OR5A2: variants seen among roughly 807,000 people sequenced by gnomAD.
OR5A2 encodes the protein olfactory receptor family 5 subfamily A member 2, also known as olfactory receptor 5A2.
For missense variants in OR5A2, 406 were observed against 398.9 expected (o/e 1.02, Z -0.15); for synonymous variants, 155 against 151.1 (o/e 1.03, Z -0.19).
chr11:59,422,049 A>G lies in OR5A2; in HGVS notation c.905T>C (p.Met302Thr), dbSNP rs148621378. 6.2e-7 allele frequency: 1 copy of G among 1,613,974 alleles called. No homozygotes were observed. The highest frequency in any genetic ancestry group is 2.2e-5 in the East Asian group (1 of 44,874). ...GGGGTCCCTTTCCATGGCTTTCCTC[A>G]TGGCATTTTTAATCTCCTTATTCCT... ...SFRNKEIKNA[M>T]RKAMERDPGI... The change falls in exon 2 of 2, where the codon ATG becomes ACG. Residue 302 changes from methionine (M) to threonine (T), a missense_variant. Physicochemically the swap from Met to Thr is moderately conservative, Grantham distance 81. Coordinates refer to ENST00000302040, the MANE Select transcript of OR5A2 (RefSeq NM_001001954.2).
chr11:59,418,749 A>G lies in OR5A2; in HGVS notation c.*3230T>C, dbSNP rs1325424066. The G allele has an allele frequency of 6.6e-6, 1 of 152,122 alleles. No homozygotes were observed. The highest frequency in any genetic ancestry group is 1.5e-5 in the Non-Finnish European group (1 of 68,020). 9.4% of individuals were successfully genotyped at this position (152,122 alleles called of 1,614,324 possible). A position where few individuals can be genotyped will look rare whatever the true frequency, so the allele number is the denominator to read the frequency against. Reference sequence around the variant, plus strand: ...TAATAAGACTTACATTCTTCTTGGTAGTTGGGCAAACTGCAAAAATACCTT... The same window carrying G: ...TAATAAGACTTACATTCTTCTTGGTGGTTGGGCAAACTGCAAAAATACCTT... On this transcript the variant is annotated 3_prime_UTR_variant, in exon 2 of 2. Transcript: ENST00000302040.
chr11:59,424,886 C>G (rs981809903), intron 1 of OR5A2: 1 of 152,170 alleles, frequency 6.6e-6, no homozygotes, highest in African/African-American at 2.4e-5. Context: ...ACTAAAACAT[C>G]AATCTATTTA....
At position 59,422,795 on chromosome 11, in the gene OR5A2, G is replaced by C; in HGVS notation, c.159C>G (p.Asp53Glu). The change falls in exon 2 of 2, where the codon GAC (aspartate) becomes GAG (glutamate). Residue 53 changes from aspartate (D) to glutamate (E), a missense_variant. Physicochemically the swap from Asp to Glu is conservative, Grantham distance 45 (BLOSUM62 2). Transcript: ENST00000302040. ...NLSLIALIKM[D>E]SHLHMPMYFF... Reference sequence around the variant, plus strand: ...AGTACATGGGCATGTGCAGGTGAGAGTCCATCTTAATGAGGGCAATGAGGC... The same window carrying C: ...AGTACATGGGCATGTGCAGGTGAGACTCCATCTTAATGAGGGCAATGAGGC... 2 of 1,614,170 alleles carry C rather than the reference G, an allele frequency of 1.2e-6. No individual in the cohort carries two copies. Among genetic ancestry groups the C allele is most frequent in the Non-Finnish European group, 1.7e-6 (2 of 1,180,024 alleles).
chr11:59,423,098 C>T, intron 1 of OR5A2, 54 bp from the exon 2 acceptor site: 1 of 799,762 alleles, frequency 1.3e-6, no homozygotes, highest in Non-Finnish European at 2.0e-6. Flanking sequence ...CAGTTAAAGC[C>T]CAGCCACCTG....
Position 59,418,764 on chromosome 11 carries a change from A to C in OR5A2, c.*3215T>G, listed in dbSNP as rs1324648020. ...TCTTCTTGGTAGTTGGGCAAACTGC[A>C]AAAATACCTTATATCTTCTCAGTGC... On this transcript the variant is annotated 3_prime_UTR_variant, in exon 2 of 2. Coordinates refer to ENST00000302040, the MANE Select transcript of OR5A2 (RefSeq NM_001001954.2). The C allele has an allele frequency of 1.3e-5, 2 of 152,152 alleles. No homozygotes were observed. The highest frequency in any genetic ancestry group is 4.8e-5 in the African/African-American group (2 of 41,454). The allele number at this position is 152,152 out of a possible 1,614,324, so 9.4% of individuals were successfully genotyped here. A position where few individuals can be genotyped will look rare whatever the true frequency, so the allele number is the denominator to read the frequency against.
rs1858304572 is a variant in OR5A2 at position 59,426,361 on chromosome 11, C to T, written c.-282G>A. On this transcript the variant is annotated 5_prime_UTR_variant, in exon 1 of 2. Transcript: ENST00000302040. ...ATAGTAAACCATGCTTCTGGAATCTCCGCTCCTTTGTTAACAAGTCTTCCA... is the reference window on the plus strand; with the variant it reads ...ATAGTAAACCATGCTTCTGGAATCTTCGCTCCTTTGTTAACAAGTCTTCCA... The T allele has an allele frequency of 6.6e-6, 1 of 152,218 alleles. No homozygotes were observed. Among genetic ancestry groups the T allele is most frequent in the African/African-American group, 2.4e-5 (1 of 41,454 alleles). The allele number at this position is 152,218 out of a possible 1,614,324, so 9.4% of individuals were successfully genotyped here.
rs1858243493 is a variant in OR5A2, at chr11:59,422,672, G to A, written c.282C>T (p.Ser94=). The change falls in exon 2 of 2, where the codon TCC becomes TCT. Residue 94 remains serine (S), a synonymous_variant. Transcript: ENST00000302040. The part of the protein sequence containing the change: ...SDIITEQKTI[S]FVGCATQYFV... ...AGTACTGAGTGGCACAGCCAACAAA[G>A]GAAATGGTTTTCTGCTCTGTGATGA... 4 of 1,614,164 alleles carry A rather than the reference G, an allele frequency of 2.5e-6. No individual in the cohort carries two copies. The highest frequency in any genetic ancestry group is 1.3e-5 in the African/African-American group (1 of 75,040).
chr11:59,421,033 G>C lies in OR5A2; in HGVS notation c.*946C>G, dbSNP rs1858215197. On this transcript the variant is annotated 3_prime_UTR_variant, in exon 2 of 2. Transcript: ENST00000302040. ...GCACTGCTATAAAAATATTCCTTAG[G>C]CTAGGTAATTCATAAAGAGATTTAA... is the stretch of plus-strand genomic sequence containing the variant. 1 of 152,104 alleles carries C rather than the reference G, an allele frequency of 6.6e-6. No individual in the cohort carries two copies. Among genetic ancestry groups the C allele is most frequent in the Admixed American group, 6.5e-5 (1 of 15,272 alleles). 9.4% of individuals were successfully genotyped at this position (152,104 alleles called of 1,614,324 possible).
At position 59,426,317 on chromosome 11, in the gene OR5A2, A is replaced by G. The variant is rs1858303824; in HGVS notation, c.-238T>C. 1 of 152,190 alleles carries G rather than the reference A, an allele frequency of 6.6e-6. No individual in the cohort carries two copies. The highest frequency in any genetic ancestry group is 1.5e-5 in the Non-Finnish European group (1 of 68,028). 9.4% of individuals were successfully genotyped at this position (152,190 alleles called of 1,614,324 possible). A position where few individuals can be genotyped will look rare whatever the true frequency, so the allele number is the denominator to read the frequency against. On this transcript the variant is annotated 5_prime_UTR_variant, in exon 1 of 2. It removes the in-frame stop codon of an upstream open reading frame in the 5' UTR. Coordinates refer to ENST00000302040, the MANE Select transcript of OR5A2 (RefSeq NM_001001954.2). ...TGGTTTCTCGTTCCATCAATTTCTT[A>G]TGCTTTGGCCTCATGTAAATAGTAA...
Position 59,417,526 on chromosome 11 carries a change from G to A in OR5A2, c.*4453C>T, listed in dbSNP as rs1208985455. 6.6e-6 allele frequency: 1 copy of A among 152,038 alleles called. No individual in the cohort carries two copies. Among genetic ancestry groups the A allele is most frequent in the Non-Finnish European group, 1.5e-5 (1 of 68,004 alleles). The allele number at this position is 152,038 out of a possible 1,614,324, so 9.4% of individuals were successfully genotyped here. A position where few individuals can be genotyped will look rare whatever the true frequency, so the allele number is the denominator to read the frequency against. The stretch of plus-strand genomic sequence containing the variant: ...GGGTTTGAAAATGTTATAGACATGA[G>A]GACAAGTCACCAGGAAATCAGGGAG... On this transcript the variant is annotated 3_prime_UTR_variant, in exon 2 of 2. Transcript: ENST00000302040.
rs1381908008 is a variant in OR5A2 at position 59,421,341 on chromosome 11, C to T, written c.*638G>A. Reference sequence around the variant, plus strand: ...AGAGATCCACCCCCATAGATTCAAACACCTCCCACCAGGCCCCACCTCCAG... The same window carrying T: ...AGAGATCCACCCCCATAGATTCAAATACCTCCCACCAGGCCCCACCTCCAG... On this transcript the variant is annotated 3_prime_UTR_variant, in exon 2 of 2. Coordinates refer to ENST00000302040, the MANE Select transcript of OR5A2 (RefSeq NM_001001954.2). 1 of 152,326 alleles carries T rather than the reference C, an allele frequency of 6.6e-6. No individual in the cohort carries two copies. Among genetic ancestry groups the T allele is most frequent in the Non-Finnish European group, 1.5e-5 (1 of 68,148 alleles). The allele number at this position is 152,326 out of a possible 1,614,324, so 9.4% of individuals were successfully genotyped here. A position where few individuals can be genotyped will look rare whatever the true frequency, so the allele number is the denominator to read the frequency against.
In OR5A2 at chr11:59,419,273, A is replaced by G. The variant is rs1565069566; in HGVS notation, c.*2706T>C. On this transcript the variant is annotated 3_prime_UTR_variant, in exon 2 of 2. Coordinates refer to ENST00000302040, the MANE Select transcript of OR5A2 (RefSeq NM_001001954.2). ...TATTTCTTTGGTCTCTTTTTAACAC[A>G]TTACCCGGATTTTCCTTGACTTATA... The G allele has an allele frequency of 6.6e-6, 1 of 152,156 alleles. No homozygotes were observed. Among genetic ancestry groups the G allele is most frequent in the African/African-American group, 2.4e-5 (1 of 41,450 alleles). 9.4% of individuals were successfully genotyped at this position (152,156 alleles called of 1,614,324 possible). A position where few individuals can be genotyped will look rare whatever the true frequency, so the allele number is the denominator to read the frequency against.
chr11:59,423,006 C>T lies in OR5A2; in HGVS notation c.-53G>A. Reference sequence around the variant, plus strand: ...CTTTCTTCTTTAAGAATCCTGTGGTCAGCTAGATTTTGTTTGTTATTGTAA... The same window carrying T: ...CTTTCTTCTTTAAGAATCCTGTGGTTAGCTAGATTTTGTTTGTTATTGTAA... On this transcript the variant is annotated 5_prime_UTR_variant, in exon 2 of 2. Transcript: ENST00000302040. 6.5e-7 allele frequency: 1 copy of T among 1,532,374 alleles called. No individual in the cohort carries two copies. Among genetic ancestry groups the T allele is most frequent in the African/African-American group, 1.4e-5 (1 of 72,354 alleles). 94.9% of individuals were successfully genotyped at this position (1,532,374 alleles called of 1,614,324 possible).
chr11:59,423,033 A>C lies in OR5A2; in HGVS notation c.-80T>G. On this transcript the variant is annotated 5_prime_UTR_variant, in exon 2 of 2. Coordinates refer to ENST00000302040, the MANE Select transcript of OR5A2 (RefSeq NM_001001954.2). ...GCTAGATTTTGTTTGTTATTGTAAG[A>C]GTGGGTATTTCCTAGAAGATCATAC... 2.9e-6 allele frequency: 4 copies of C among 1,368,128 alleles called. No homozygotes were observed. The highest frequency in any genetic ancestry group is 4.0e-6 in the Non-Finnish European group (4 of 993,766). The allele number at this position is 1,368,128 out of a possible 1,614,324, so 84.7% of individuals were successfully genotyped here.
In OR5A2 at chr11:59,422,590, C is replaced by T; in HGVS notation, c.364G>A (p.Asp122Asn). ...GGGTTGCAGATTGCAGCATACCGGT[C>T]ATAGGCCATAGCTGCCAGGAGAAAG... is the stretch of plus-strand genomic sequence containing the variant. Reference protein sequence around the residue: ...ECFLLAAMAYDRYAAICNPLL... With the variant: ...ECFLLAAMAYNRYAAICNPLL... The change falls in exon 2 of 2, where the codon GAC (aspartate) becomes AAC (asparagine). Residue 122 changes from aspartate to asparagine, a missense_variant. Coordinates refer to ENST00000302040, the MANE Select transcript of OR5A2 (RefSeq NM_001001954.2). The T allele has an allele frequency of 6.2e-7, 1 of 1,614,168 alleles. No homozygotes were observed. The highest frequency in any genetic ancestry group is 8.5e-7 in the Non-Finnish European group (1 of 1,180,030).
At chr11:59,424,008 G>A (rs1001964831) in intron 1 of OR5A2, 2 of 152,110 alleles carry the variant, frequency 1.3e-5, no homozygotes, top group African/African-American at 4.8e-5. Flanking sequence ...GATAAGCAAG[G>A]GACAACTTTG....
chr11:59,425,200 A>T (rs765713017), intron 1 of OR5A2: 2 of 152,190 alleles, frequency 1.3e-5, no homozygotes, highest in Non-Finnish European at 2.9e-5. Context: ...TTTAAAGATA[A>T]TTTGGCGAGT....
chr11:59,422,596 C>T lies in OR5A2; in HGVS notation c.358G>A (p.Ala120Thr), dbSNP rs781173723. Residue 120 changes from alanine (A) to threonine (T), a missense_variant, in exon 2 of 2, where the codon GCC becomes ACC. Physicochemically the swap from Ala to Thr is moderately conservative, Grantham distance 58. Transcript: ENST00000302040. The stretch of plus-strand genomic sequence containing the variant: ...CAGATTGCAGCATACCGGTCATAGG[C>T]CATAGCTGCCAGGAGAAAGCATTCA... Reference protein sequence around the residue: ...LTECFLLAAMAYDRYAAICNP... With the variant: ...LTECFLLAAMTYDRYAAICNP... 6.2e-7 allele frequency: 1 copy of T among 1,614,162 alleles called. No individual in the cohort carries two copies. Among genetic ancestry groups the T allele is most frequent in the Non-Finnish European group, 8.5e-7 (1 of 1,180,020 alleles).
chr11:59,421,952 A>G lies in OR5A2; in HGVS notation c.*27T>C. ...AATTATGTAAATGTCTGCACAATTC[A>G]CCTAGCTCACAGCTTCATTGTAAAC... On this transcript the variant is annotated 3_prime_UTR_variant, in exon 2 of 2. Coordinates refer to ENST00000302040, the MANE Select transcript of OR5A2 (RefSeq NM_001001954.2). 1.3e-6 allele frequency: 2 copies of G among 1,557,278 alleles called. No homozygotes were observed. Among genetic ancestry groups the G allele is most frequent in the South Asian group, 2.4e-5 (2 of 81,996 alleles).
Sources: allele counts gnomAD v4.1 joint callset, GRCh38; gene constraint gnomAD v4.1.1; transcripts MANE v1.5; gene names NCBI Gene and HGNC (gene_info 2026-07-23, HGNC 2026-07-21).